Variants in ESRRG observed in about 807,000 individuals in gnomAD.
The protein encoded by ESRRG is estrogen-related receptor gamma.
ESRRG carries 13 observed loss-of-function variants against 44.0 expected under a neutral mutation model. The observed-to-expected ratio is 0.30, with a 90% CI of 0.19 to 0.47. The LOEUF is 0.47. Ranked by LOEUF, ESRRG falls within the 20% of genes least tolerant of loss-of-function variation. The pLI is 1.00. For missense variants in ESRRG, 395 were observed against 580.6 expected, an observed-to-expected ratio of 0.68 and a Z score of 3.29; for synonymous variants, 215 against 214.6, an observed-to-expected ratio of 1.00 and a Z score of -0.02.
chr1:216,988,284 G>A (rs953851120), intron 1 of ESRRG, among the ~76,000 whole-genome samples: 8 of 152,182 alleles, frequency 5.3e-5, no homozygotes, highest in African/African-American at 1.7e-4. Context: ...TGTGACATTT[G>A]AGGGTGAGAA....
chr1:216,857,371 A>G (rs1329222879), intron 2 of ESRRG, among the ~76,000 whole-genome samples: 2 of 151,822 alleles, frequency 1.3e-5, no homozygotes, highest in African/African-American at 4.8e-5. Context: ...GGAAAAAAAA[A>G]AAAAAGAAAA....
intron 1 of ESRRG, among the ~76,000 whole-genome samples, chr1:216,964,561 G>A (rs2069828131): frequency 6.6e-6 from 1 of 152,116 alleles, no homozygotes; most frequent in African/African-American, 2.4e-5. Context: ...TGGAATGAGT[G>A]TATAGAGGGG....
chr1:216,920,933 G>A (rs979459935), intron 2 of ESRRG, among the ~76,000 whole-genome samples: 1 of 152,170 alleles, frequency 6.6e-6, no homozygotes, highest in African/African-American at 2.4e-5. Flanking sequence ...ACACGACTCA[G>A]AGTTGGGCAG....
At chr1:216,939,693 G>T (rs1249794356) in intron 1 of ESRRG, 1 of 143,262 alleles carries the variant, frequency 7.0e-6, no homozygotes, top group Admixed American at 7.2e-5. Context: ...TATGTGACGT[G>T]AGCAAGGATC....
intron 1 of ESRRG, among the ~76,000 whole-genome samples, chr1:216,984,428 TATTTCTCTA>T (rs2074528642): frequency 6.6e-6 from 1 of 152,204 alleles, no homozygotes; most frequent in Non-Finnish European, 1.5e-5. Flanking sequence ...CAGTTGCAAG[TATTTCTCTA>T]ACATCTCCAA....
chr1:216,605,264 G>A (rs1269811121), intron 3 of ESRRG, among the ~76,000 whole-genome samples: 1 of 152,074 alleles, frequency 6.6e-6, no homozygotes, highest in Non-Finnish European at 1.5e-5. Flanking sequence ...CATCTGTTTG[G>A]GAAAGAGGAA....
intron 1 of ESRRG, among the ~76,000 whole-genome samples, chr1:217,133,120 G>C (rs1314241166): frequency 6.6e-6 from 1 of 152,254 alleles, no homozygotes; most frequent in Non-Finnish European, 1.5e-5. Flanking sequence ...CCAGAAAGAA[G>C]CCTGCTGTTG....
chr1:216,931,249 T>C (rs1026149699), intron 2 of ESRRG, among the ~76,000 whole-genome samples: 5 of 152,342 alleles, frequency 3.3e-5, no homozygotes, highest in African/African-American at 1.2e-4. Flanking sequence ...GGGGAAGGTA[T>C]TCCTTACCCT....
At chr1:216,836,106 A>AAAG (rs1456347456) in intron 2 of ESRRG, among the ~76,000 whole-genome samples, 1 of 151,704 alleles carries the variant, frequency 6.6e-6, no homozygotes, top group African/African-American at 2.4e-5. Context: ...AAAAAAAAAA[A>AAAG]AAAAAGAAAG....
chr1:216,897,980 G>A (rs2576206), intron 2 of ESRRG, among the ~76,000 whole-genome samples: 30,102 of 151,988 alleles, frequency 0.2, 4,278 homozygotes, highest in African/African-American at 0.4. Flanking sequence ...CCTGGCATAC[G>A]ATAGGCTTTC....
intron 3 of ESRRG, among the ~76,000 whole-genome samples, chr1:216,578,620 G>T (rs529154528): frequency 4.5e-4 from 68 of 152,168 alleles, no homozygotes; most frequent in African/African-American, 1.6e-3. Flanking sequence ...AGAATACAGT[G>T]GTTTCCATCC....
At chr1:216,858,354 G>A (rs1353205044) in intron 2 of ESRRG, among the ~76,000 whole-genome samples, 1 of 151,952 alleles carries the variant, frequency 6.6e-6, no homozygotes, top group Non-Finnish European at 1.5e-5. Flanking sequence ...GGAGAATGGT[G>A]TGAACCTGGG....
chr1:216,804,698 T>A (rs2094731204), intron 2 of ESRRG, among the ~76,000 whole-genome samples: 1 of 152,112 alleles, frequency 6.6e-6, no homozygotes. Context: ...GCTTTGAAGT[T>A]CATGCAAAAG....
intron 1 of ESRRG, among the ~76,000 whole-genome samples, chr1:217,087,422 A>C (rs1463601723): frequency 6.6e-6 from 1 of 152,258 alleles, no homozygotes; most frequent in African/African-American, 2.4e-5. Context: ...AGATGGGAAC[A>C]TGGTACTCTC....
intron 5 of ESRRG, among the ~76,000 whole-genome samples, chr1:216,538,484 G>C (rs1373730412): frequency 6.6e-6 from 1 of 151,968 alleles, no homozygotes; most frequent in Admixed American, 6.6e-5. Flanking sequence ...CTAATGGAAA[G>C]GGAAATCAGA....
intron 2 of ESRRG, among the ~76,000 whole-genome samples, chr1:216,843,148 T>A (rs1312460887): frequency 6.6e-6 from 1 of 152,070 alleles, no homozygotes; most frequent in Non-Finnish European, 1.5e-5. Context: ...AGTCTTTTTT[T>A]TTTCTTAAAT....
At chr1:216,768,480 A>ATCTATCTATCTATCTATCTATCTG (rs1553593170) in intron 2 of ESRRG, among the ~76,000 whole-genome samples, 4,863 of 150,236 alleles carry the variant, frequency 0.032, 114 homozygotes, top group Middle Eastern at 0.054. Flanking sequence ...CTATCTATCT[A>ATCTATCTATCTATCTATCTATCTG]TCTATCTATC....
chr1:216,608,948 G>GTC (rs2060271591), intron 3 of ESRRG, among the ~76,000 whole-genome samples: 1 of 152,162 alleles, frequency 6.6e-6, no homozygotes, highest in Non-Finnish European at 1.5e-5. Context: ...TGACATACAT[G>GTC]TCTTCTTTGT....
intron 1 of ESRRG, among the ~76,000 whole-genome samples, chr1:216,943,833 A>AT (rs1043652452): frequency 1.3e-3 from 203 of 152,010 alleles, no homozygotes; most frequent in African/African-American, 4.5e-3. Context: ...TTATTTGAAG[A>AT]TTTTTTTTCA....
Sources: gnomAD v4.1 joint callset for allele counts (sites outside exome capture counted in the v4.1 genomes callset) on GRCh38, gnomAD v4.1.1 for gene constraint, MANE v1.5 for transcripts, NCBI Gene and HGNC (gene_info 2026-07-23, HGNC 2026-07-21) for gene names.